Variants in MRPL48 observed in about 807,000 individuals in gnomAD.
MRPL48 encodes the protein mitochondrial ribosomal protein L48.
A neutral mutation model predicts 32.9 loss-of-function variants in MRPL48; 16 were observed. The ratio of observed to expected loss-of-function variants is 0.49; its 90% CI spans 0.33 to 0.74. The LOEUF (loss-of-function observed/expected upper bound fraction) is 0.74. Ranked by LOEUF, MRPL48 falls within the 30% of genes least tolerant of loss-of-function variation. MRPL48 has a pLI of 0.02. For synonymous variants in MRPL48, 94 were observed against 89.2 expected (o/e 1.05, Z -0.31); for missense variants, 206 against 245.3 (o/e 0.84, Z 1.07).
chr11:73,840,177 C>T (rs1223457154), intron 4 of MRPL48, among the ~76,000 whole-genome samples: 1 of 151,792 alleles, frequency 6.6e-6, no homozygotes, highest in East Asian at 1.9e-4. Flanking sequence ...AAAATAGCTT[C>T]TCATCAAAAT....
At chr11:73,851,078 A>G (rs12794180) in intron 5 of MRPL48, 24,371 of 499,480 alleles carry the variant, frequency 0.049, 687 homozygotes, top group Middle Eastern at 0.077. Flanking sequence ...TTTCCCTACA[A>G]AGGAAGCTGT....
At chr11:73,829,962 A>G (rs967736418) in intron 4 of MRPL48, among the ~76,000 whole-genome samples, 2 of 152,012 alleles carry the variant, frequency 1.3e-5, no homozygotes, top group Non-Finnish European at 2.9e-5. Flanking sequence ...GGGTCTCGCC[A>G]TGTTACCCAG....
intron 3 of MRPL48, among the ~76,000 whole-genome samples, chr11:73,816,502 G>C (rs1310023139): frequency 6.6e-6 from 1 of 151,794 alleles, no homozygotes; most frequent in Non-Finnish European, 1.5e-5. Flanking sequence ...TTTTGCTCTT[G>C]TTGCCCAGGC....
At chr11:73,848,912 T>G (rs1005445798) in intron 5 of MRPL48, among the ~76,000 whole-genome samples, 8 of 151,448 alleles carry the variant, frequency 5.3e-5, no homozygotes, top group Non-Finnish European at 1.2e-4. Flanking sequence ...CTCCATCTCC[T>G]GGGTTCAAGT....
chr11:73,845,732 T>C (rs1948275938), intron 5 of MRPL48, among the ~76,000 whole-genome samples: 1 of 152,016 alleles, frequency 6.6e-6, no homozygotes, highest in African/African-American at 2.4e-5. Flanking sequence ...TTCTTGCCAC[T>C]GCACTTCAGC....
At chr11:73,813,992 G>T (rs2134983183) in intron 3 of MRPL48, among the ~76,000 whole-genome samples, 1 of 145,952 alleles carries the variant, frequency 6.9e-6, no homozygotes, top group African/African-American at 2.5e-5. Context: ...AGTGAGCCGA[G>T]ATCTCGCCAC....
At chr11:73,863,303 T>G (rs1198818988) in intron 7 of MRPL48, 42 bp downstream of exon 7, 83 of 1,470,136 alleles carry the variant, frequency 5.6e-5, no homozygotes, top group Non-Finnish European at 7.7e-5. Flanking sequence ...GGCCTGCATA[T>G]GCTCAAAATA....
At chr11:73,847,922 C>G (rs1948323306) in intron 5 of MRPL48, among the ~76,000 whole-genome samples, 1 of 152,144 alleles carries the variant, frequency 6.6e-6, no homozygotes, top group Non-Finnish European at 1.5e-5. Context: ...TATTTTCTTC[C>G]TGTCTATGAC....
intron 5 of MRPL48, chr11:73,851,144 C>G: frequency 2.2e-6 from 1 of 449,534 alleles, no homozygotes; most frequent in Non-Finnish European, 4.5e-6. Flanking sequence ...GTCCTTATCA[C>G]TTTGAGTAAT....
chr11:73,818,490 CA>C (rs1947715168), intron 3 of MRPL48, among the ~76,000 whole-genome samples: 1 of 152,148 alleles, frequency 6.6e-6, no homozygotes, highest in Non-Finnish European at 1.5e-5. Context: ...AAAATGTGGG[CA>C]GCTGGCAGGG....
chr11:73,791,144 C>T (rs1477383396), intron 1 of MRPL48, among the ~76,000 whole-genome samples: 2 of 151,946 alleles, frequency 1.3e-5, no homozygotes, highest in African/African-American at 4.8e-5. Context: ...CTGGGCCTCT[C>T]AAAGTGCTGG....
chr11:73,792,604 C>CTAG (rs1947172302), intron 1 of MRPL48, among the ~76,000 whole-genome samples: 1 of 152,194 alleles, frequency 6.6e-6, no homozygotes, highest in Non-Finnish European at 1.5e-5. Context: ...AAGACATGAA[C>CTAG]TAGTAGTACA....
chr11:73,809,491 G>A (rs1336250589), intron 3 of MRPL48, among the ~76,000 whole-genome samples: 6 of 145,380 alleles, frequency 4.1e-5, no homozygotes, highest in African/African-American at 7.8e-5. Context: ...GCGACAGAGC[G>A]AGACTCCGTC....
chr11:73,811,928 C>T (rs1947573997), intron 3 of MRPL48, among the ~76,000 whole-genome samples: 1 of 152,050 alleles, frequency 6.6e-6, no homozygotes, highest in African/African-American at 2.4e-5. Context: ...CACTCTGTTG[C>T]CCAGACAAGT....
chr11:73,798,290 C>T (rs746689057), intron 1 of MRPL48, among the ~76,000 whole-genome samples: 1 of 152,012 alleles, frequency 6.6e-6, no homozygotes, highest in South Asian at 2.1e-4. Context: ...TTACAAAATA[C>T]AGCCTGTTGG....
chr11:73,833,609 C>T (rs1181560911), intron 4 of MRPL48, among the ~76,000 whole-genome samples: 1 of 151,986 alleles, frequency 6.6e-6, no homozygotes, highest in Non-Finnish European at 1.5e-5. Flanking sequence ...TCACACATTC[C>T]TCCTATCAGC....
intron 5 of MRPL48, among the ~76,000 whole-genome samples, chr11:73,855,006 C>CT (rs1488239623): frequency 1.3e-5 from 2 of 152,088 alleles, no homozygotes; most frequent in Non-Finnish European, 2.9e-5. Context: ...AAGCACCTAC[C>CT]TTAAAAGGCT....
At chr11:73,792,124 C>T (rs979192262) in intron 1 of MRPL48, among the ~76,000 whole-genome samples, 1 of 152,174 alleles carries the variant, frequency 6.6e-6, no homozygotes, top group African/African-American at 2.4e-5. Context: ...GAGCCAGTAC[C>T]TCTTTGGGTC....
intron 1 of MRPL48, among the ~76,000 whole-genome samples, chr11:73,799,251 A>T (rs1358778370): frequency 6.6e-6 from 1 of 151,910 alleles, no homozygotes; most frequent in Non-Finnish European, 1.5e-5. Flanking sequence ...ACTTGGGAGG[A>T]TGAGGCAGGA....
Sources: gnomAD v4.1 joint callset for allele counts (sites outside exome capture counted in the v4.1 genomes callset) on GRCh38, gnomAD v4.1.1 for gene constraint, MANE v1.5 for transcripts, NCBI Gene and HGNC (gene_info 2026-07-23, HGNC 2026-07-21) for gene names.